Variants in TFDP1 observed in about 807,000 individuals in gnomAD.
TFDP1 encodes the protein transcription factor Dp-1, also known as DRTF1-polypeptide 1.
A neutral mutation model predicts 48.0 loss-of-function variants in TFDP1; 6 were observed. The observed-to-expected ratio is 0.13, with a 90% confidence interval of 0.07 to 0.25. The LOEUF (loss-of-function observed/expected upper bound fraction) is 0.25. Among genes scored for constraint, TFDP1 ranks in the 10% least tolerant of loss-of-function variants. The pLI is 1.00. For synonymous variants in TFDP1, 201 were observed against 211.6 expected (o/e 0.95, Z 0.44); for missense variants, 335 against 543.0 (o/e 0.62, Z 3.81).
chr13:113,613,458 C>T (rs1469583762), intron 3 of TFDP1, among the ~76,000 whole-genome samples: 1 of 152,192 alleles, frequency 6.6e-6, no homozygotes, highest in African/African-American at 2.4e-5. Flanking sequence ...GGTGTTCGTT[C>T]CAGAGAATTC....
At position 113,641,473 on chromosome 13, in the gene TFDP1, A is replaced by G. The variant is rs1239024764; in HGVS notation, c.*1206A>G. On this transcript the variant is annotated 3_prime_UTR_variant, in exon 12 of 12. Transcript: ENST00000375370. ...AAAACGCGCATGGGCATTTTAAACAAGCTGTGTTTCTCTAATTCAGGATTA... is the reference window on the plus strand; with the variant it reads ...AAAACGCGCATGGGCATTTTAAACAGGCTGTGTTTCTCTAATTCAGGATTA... The G allele has an allele frequency of 6.6e-6, 1 of 152,274 alleles. No homozygotes were observed. The highest frequency in any genetic ancestry group is 1.9e-4 in the East Asian group (1 of 5,206). 9.4% of individuals were successfully genotyped at this position (152,274 alleles called of 1,614,324 possible).
At chr13:113,593,634 A>G (rs1407561286) in intron 2 of TFDP1, among the ~76,000 whole-genome samples, 2 of 115,454 alleles carry the variant, frequency 1.7e-5, no homozygotes, top group Admixed American at 9.9e-5. Context: ...TGCTGTGTGC[A>G]GGTCCTCACC....
chr13:113,612,988 G>C (rs1167203412), intron 3 of TFDP1, among the ~76,000 whole-genome samples: 1 of 150,518 alleles, frequency 6.6e-6, no homozygotes, highest in African/African-American at 2.5e-5. Flanking sequence ...CCCTCACCTG[G>C]TGTTGATTCC....
intron 9 of TFDP1, 29 bp from the exon 10 acceptor site, chr13:113,636,505 G>A: frequency 6.2e-7 from 1 of 1,610,240 alleles, no homozygotes; most frequent in Non-Finnish European, 8.5e-7. Flanking sequence ...GGGAGACCCT[G>A]TCTTTCTGAC....
chr13:113,631,411 A>G (rs1165830258), intron 4 of TFDP1, among the ~76,000 whole-genome samples: 2 of 152,150 alleles, frequency 1.3e-5, no homozygotes, highest in Non-Finnish European at 2.9e-5. Context: ...TGTGACTGAC[A>G]AGAGGAAGAT....
chr13:113,631,727 C>T lies in TFDP1; in HGVS notation c.291C>T (p.Ser97=). The change falls in exon 5 of 12, where the codon TCC becomes TCT. Residue 97 remains serine, a synonymous_variant. Coordinates refer to ENST00000375370, the MANE Select transcript of TFDP1 (RefSeq NM_007111.5). ...HFASQNQPSD[S]SPWSAGKRNR... is the part of the protein sequence containing the mutation. ...CCTCTCAGAACCAGCCTTCCGACTC[C>T]TCACCTTGGTCTGCCGGGTGAGCAC... The T allele has an allele frequency of 5.6e-6, 9 of 1,614,162 alleles. No homozygotes were observed. The highest frequency in any genetic ancestry group is 1.1e-5 in the South Asian group (1 of 91,084).
intron 3 of TFDP1, among the ~76,000 whole-genome samples, chr13:113,613,199 A>G (rs931738117): frequency 6.6e-6 from 1 of 152,154 alleles, no homozygotes; most frequent in African/African-American, 2.4e-5. Context: ...TATTTTTAGT[A>G]GAGATGGGGT....
intron 2 of TFDP1, 127 bp downstream of exon 2, chr13:113,585,976 C>T (rs979896631): frequency 2.5e-5 from 27 of 1,100,130 alleles, no homozygotes; most frequent in African/African-American, 4.6e-5. Context: ...ACTTTTAAAG[C>T]GTCTGAAGCG....
chr13:113,621,830 G>C (rs1329503300), intron 3 of TFDP1, among the ~76,000 whole-genome samples: 1 of 152,186 alleles, frequency 6.6e-6, no homozygotes, highest in African/African-American at 2.4e-5. Context: ...CTCTTGTGGA[G>C]GGCCTGACAT....
chr13:113,613,649 G>C (rs184157771), intron 3 of TFDP1, among the ~76,000 whole-genome samples: 1 of 149,740 alleles, frequency 6.7e-6, no homozygotes, highest in Non-Finnish European at 1.5e-5. Context: ...GTGTGTCTGC[G>C]TGAATGCGTG....
At chr13:113,636,834 A>G in intron 10 of TFDP1, 134 bp downstream of exon 10, 4 of 1,130,300 alleles carry the variant, frequency 3.5e-6, no homozygotes, top group Non-Finnish European at 4.9e-6. Flanking sequence ...GAGCAAAGAC[A>G]AAGGGGCTGT....
chr13:113,626,452 T>A (rs921423679), intron 4 of TFDP1, among the ~76,000 whole-genome samples: 3 of 152,202 alleles, frequency 2.0e-5, no homozygotes, highest in African/African-American at 7.2e-5. Context: ...GGTCACAGCC[T>A]TGAGGATCTG....
At chr13:113,620,565 T>C (rs1480868601) in intron 3 of TFDP1, among the ~76,000 whole-genome samples, 1 of 152,272 alleles carries the variant, frequency 6.6e-6, no homozygotes, top group Admixed American at 6.5e-5. Context: ...AAGTGTTTAA[T>C]TGCGTACTTT....
At chr13:113,625,482 G>A (rs1435895254) in intron 4 of TFDP1, among the ~76,000 whole-genome samples, 1 of 93,128 alleles carries the variant, frequency 1.1e-5, no homozygotes, top group Non-Finnish European at 1.9e-5. Context: ...GTGTTTCTCA[G>A]GTGTCTCTCA....
chr13:113,602,109 G>T (rs1157816844), intron 2 of TFDP1, among the ~76,000 whole-genome samples: 1 of 151,532 alleles, frequency 6.6e-6, no homozygotes, highest in African/African-American at 2.4e-5. Flanking sequence ...CGCAGGAGTC[G>T]AGGGAGGAGT....
chr13:113,609,466 A>T (rs1022601057), intron 2 of TFDP1, among the ~76,000 whole-genome samples: 1 of 152,026 alleles, frequency 6.6e-6, no homozygotes, highest in Admixed American at 6.5e-5. Flanking sequence ...TAGGATGTGA[A>T]CTTGCCGTGG....
rs1278865325 is a variant in TFDP1 at position 113,633,832 on chromosome 13, T to A, written c.475-58T>A. 2.6e-6 allele frequency: 4 copies of A among 1,559,052 alleles called. No homozygotes were observed. The highest frequency in any genetic ancestry group is 3.5e-6 in the Non-Finnish European group (4 of 1,152,118). On this transcript the variant is annotated intron_variant, in intron 6 of 11. Coordinates refer to ENST00000375370, the MANE Select transcript of TFDP1 (RefSeq NM_007111.5). This position sits in a 1 kb window ranked among gnomAD's most constrained non-coding sequence, Gnocchi z 4.5. Reference sequence around the variant, plus strand: ...TGAGCCAGTGCCCATGGTCTACAGTTTAAGGATCCACCGGCCTTTTTGGAT... The same window carrying A: ...TGAGCCAGTGCCCATGGTCTACAGTATAAGGATCCACCGGCCTTTTTGGAT...
At chr13:113,593,081 G>A (rs1320875916) in intron 2 of TFDP1, among the ~76,000 whole-genome samples, 132 of 135,092 alleles carry the variant, frequency 9.8e-4, no homozygotes, top group Non-Finnish European at 1.4e-3. Flanking sequence ...TGGTGTGCGC[G>A]GGTCCTCAGC....
At chr13:113,622,391 C>A (rs1400599545) in intron 3 of TFDP1, among the ~76,000 whole-genome samples, 3 of 152,242 alleles carry the variant, frequency 2.0e-5, no homozygotes, top group Admixed American at 6.5e-5. Flanking sequence ...TGTGGCCGCC[C>A]ACCCTTCCAG....
Sources: gnomAD v4.1 joint callset for allele counts (sites outside exome capture counted in the v4.1 genomes callset) on GRCh38, gnomAD v4.1.1 for gene constraint, Gnocchi (gnomAD v3.1) non-coding constraint, MANE v1.5 for transcripts, NCBI Gene and HGNC (gene_info 2026-07-23, HGNC 2026-07-21) for gene names.